Variants in PDE4D observed in about 807,000 individuals in gnomAD.
PDE4D encodes the protein 3',5'-cyclic-AMP phosphodiesterase 4D.
A neutral mutation model predicts 87.4 loss-of-function variants in PDE4D; 24 were observed. The observed-to-expected ratio is 0.27, with a 90% CI of 0.20 to 0.39. PDE4D has a LOEUF of 0.39. Among genes scored for constraint, PDE4D ranks in the 10% least tolerant of loss-of-function variants. The pLI, the probability that PDE4D is intolerant of heterozygous loss-of-function variation, is 1.00. For missense variants in PDE4D, 714 were observed against 1,041.0 expected, an observed-to-expected ratio of 0.69 and a Z score of 4.32; for synonymous variants, 384 against 383.2, an observed-to-expected ratio of 1.00 and a Z score of -0.02.
In PDE4D at chr5:59,180,637, G is replaced by T. The variant is rs773983117; in HGVS notation, c.766C>A (p.Pro256Thr). ...LQDRAPSKRS[P>T]MCNQPSINKA... is the part of the protein sequence containing the mutation. ...TTGATGGATGGTTGGTTGCACATGG[G>T]TGATCTTCTGACAAAGACAGAAAAA... The change falls in exon 5 of 15, where the codon CCC (proline) becomes ACC (threonine). Residue 256 changes from proline (P) to threonine (T), a missense_variant. By Grantham distance (38) the Pro-to-Thr change is conservative. Transcript: ENST00000340635. The T allele has an allele frequency of 3.1e-6, 5 of 1,613,130 alleles. No individual in the cohort carries two copies. The South Asian group carries it at 5.5e-5, about 18-fold the overall frequency.
rs138415675 is a variant in PDE4D at position 59,479,324 on chromosome 5, T to C, written c.456-263356A>G. 1.2e-3 allele frequency among the ~76,000 whole-genome samples: 189 copies of C among 152,218 alleles called. 3 individuals carry two copies. In the East Asian group the frequency reaches 0.033, roughly 27 times the overall value. ...CATGACATAACAGCTTTTAAGTAGC[T>C]ACTGTACTACATCCACAGTCTACCC... On this transcript the variant is annotated intron_variant, in intron 1 of 14. Coordinates refer to ENST00000340635, the MANE Select transcript of PDE4D (RefSeq NM_001104631.2).
chr5:59,990,007 G>T (rs1762845325), intron 2 of PDE4D, among the ~76,000 whole-genome samples: 1 of 152,130 alleles, frequency 6.6e-6, no homozygotes, highest in Non-Finnish European at 1.5e-5. Flanking sequence ...CTTGCATTGG[G>T]ATTAGCACTC....
intron 1 of PDE4D, among the ~76,000 whole-genome samples, chr5:60,225,342 C>T (rs567961663): frequency 1.8e-4 from 27 of 152,022 alleles, no homozygotes; most frequent in Middle Eastern, 3.4e-3. Context: ...CATTAATAAA[C>T]GTTTTTTTCC....
chr5:59,936,407 T>A (rs1016477879), intron 3 of PDE4D, among the ~76,000 whole-genome samples: 5 of 152,222 alleles, frequency 3.3e-5, no homozygotes, highest in African/African-American at 1.2e-4. Flanking sequence ...CTAGACTCCC[T>A]GATCAGCATC....
chr5:59,999,582 C>T (rs1468078265), intron 2 of PDE4D, among the ~76,000 whole-genome samples: 1 of 145,004 alleles, frequency 6.9e-6, no homozygotes, highest in East Asian at 2.0e-4. Context: ...TCTATGTGGG[C>T]TAATTGGTAA....
chr5:59,465,974 T>A (rs1223469638), intron 1 of PDE4D, among the ~76,000 whole-genome samples: 1 of 152,222 alleles, frequency 6.6e-6, no homozygotes, highest in Non-Finnish European at 1.5e-5. Context: ...TTTTGTTTTT[T>A]TAGAATTTTC....
chr5:59,009,031 A>G (rs1012092874), intron 6 of PDE4D, among the ~76,000 whole-genome samples: 1 of 152,152 alleles, frequency 6.6e-6, no homozygotes, highest in Non-Finnish European at 1.5e-5. Context: ...ATGCCACACT[A>G]CATACTTACT....
intron 1 of PDE4D, among the ~76,000 whole-genome samples, chr5:60,238,962 T>C (rs988093249): frequency 6.6e-6 from 1 of 152,078 alleles, no homozygotes; most frequent in Non-Finnish European, 1.5e-5. Flanking sequence ...AGCAGTAGGA[T>C]AATAAATAAC....
chr5:60,023,450 C>G (rs142024027), intron 2 of PDE4D, among the ~76,000 whole-genome samples: 32 of 152,252 alleles, frequency 2.1e-4, no homozygotes, highest in South Asian at 2.1e-3. Flanking sequence ...CAATAATTTC[C>G]TAGACCTCAG....
At position 59,860,870 on chromosome 5, in the gene PDE4D, AT is replaced by A. The variant is rs560100447; in HGVS notation, c.455+32297del. ...TTTTTTTTAATTATTTTTATTTTTTATTTTTTTAGATGGAGTCTCGCTCTGT... is the reference window on the plus strand; with the variant it reads ...TTTTTTTTAATTATTTTTATTTTTTATTTTTTAGATGGAGTCTCGCTCTGT... On this transcript the variant is annotated intron_variant, in intron 1 of 14. Coordinates refer to ENST00000340635, the MANE Select transcript of PDE4D (RefSeq NM_001104631.2). 3.2e-4 allele frequency among the ~76,000 whole-genome samples: 48 copies of A among 147,946 alleles called. No individual in the cohort carries two copies. The East Asian group carries it at 9.3e-3, about 29-fold the overall frequency.
intron 1 of PDE4D, among the ~76,000 whole-genome samples, chr5:59,745,608 C>G (rs1759492740): frequency 6.6e-6 from 1 of 152,072 alleles, no homozygotes; most frequent in Non-Finnish European, 1.5e-5. Context: ...ACGTGCTGAT[C>G]AGCAAAGCCC....
At chr5:60,039,172 G>T (rs967967437) in intron 2 of PDE4D, among the ~76,000 whole-genome samples, 7 of 152,020 alleles carry the variant, frequency 4.6e-5, no homozygotes, top group African/African-American at 1.7e-4. Flanking sequence ...CAATAGCAAA[G>T]ACTTGGAACC....
intron 2 of PDE4D, among the ~76,000 whole-genome samples, chr5:60,011,717 AT>A (rs1765036255): frequency 6.6e-6 from 1 of 152,156 alleles, no homozygotes; most frequent in Admixed American, 6.5e-5. Context: ...CTACCAGGCC[AT>A]TTACAGTAAA....
At chr5:59,448,646 G>C (rs1438381767) in intron 1 of PDE4D, among the ~76,000 whole-genome samples, 2 of 152,114 alleles carry the variant, frequency 1.3e-5, no homozygotes, top group Non-Finnish European at 2.9e-5. Flanking sequence ...TGTAGTTTTG[G>C]AATATCCCTT....
intron 2 of PDE4D, among the ~76,000 whole-genome samples, chr5:60,096,936 T>C (rs575307664): frequency 1.3e-5 from 2 of 152,194 alleles, no homozygotes; most frequent in East Asian, 3.9e-4. Flanking sequence ...AGTTAATGCC[T>C]CAGAAAACAT....
At chr5:59,940,219 C>A (rs2152797395) in intron 3 of PDE4D, among the ~76,000 whole-genome samples, 1 of 152,294 alleles carries the variant, frequency 6.6e-6, no homozygotes, top group East Asian at 1.9e-4. Context: ...CTAGCATCAA[C>A]TCAAGCACCA....
intron 5 of PDE4D, among the ~76,000 whole-genome samples, chr5:59,152,951 G>A (rs909781412): frequency 1.3e-5 from 2 of 152,106 alleles, no homozygotes; most frequent in African/African-American, 4.8e-5. Context: ...TCAAGAAAAG[G>A]AAAGTGGAAG....
Position 60,002,159 on chromosome 5 carries a change from A to C in PDE4D, c.43-13442T>G, listed in dbSNP as rs1424110093. 6.6e-5 allele frequency among the ~76,000 whole-genome samples: 10 copies of C among 152,094 alleles called. No homozygotes were observed. In the East Asian group the frequency reaches 1.9e-3, roughly 29 times the overall value. On this transcript the variant is annotated intron_variant, in intron 2 of 16. Coordinates refer to the PDE4D transcript ENST00000502484. ...AAATGCTGTCTCATATTGGGACAAT[A>C]AGAGACTCACTTAAGCCTTAAGGAT... is the stretch of plus-strand genomic sequence containing the variant.
At chr5:60,376,124 A>G (rs1761414263) in intron 1 of PDE4D, among the ~76,000 whole-genome samples, 1 of 152,148 alleles carries the variant, frequency 6.6e-6, no homozygotes, top group Non-Finnish European at 1.5e-5. Context: ...TTAGTTTCTT[A>G]TTGCTGCTTA....
Sources: allele counts gnomAD v4.1 joint callset (sites outside exome capture counted in the v4.1 genomes callset), GRCh38; gene constraint gnomAD v4.1.1; transcripts MANE v1.5; gene names NCBI Gene and HGNC (gene_info 2026-07-23, HGNC 2026-07-21).